The following NHSL1 variants were observed in gnomAD, a reference collection of about 807,000 sequenced individuals.
NHSL1 encodes NHS like 1, also known as NHS-like protein 1.
In NHSL1, 48 loss-of-function variants were observed where a neutral mutation model predicts 95.0. That is an observed-to-expected ratio of 0.51 (90% CI 0.40 to 0.64). The LOEUF is 0.64. Among genes scored for constraint, NHSL1 ranks in the 30% least tolerant of loss-of-function variants. NHSL1 has a pLI of 0.00. For missense variants in NHSL1, 1,971 were observed against 2,077.7 expected, an observed-to-expected ratio of 0.95 and a Z score of 1.00; for synonymous variants, 783 against 833.9, an observed-to-expected ratio of 0.94 and a Z score of 1.05.
chr6:138,446,252 G>T (rs866819390), intron 4 of NHSL1, among the ~76,000 whole-genome samples: 14 of 152,036 alleles, frequency 9.2e-5, no homozygotes, highest in South Asian at 2.1e-4. Flanking sequence ...GGCCAGGCTG[G>T]TCTCAAACTC....
intron 5 of NHSL1, among the ~76,000 whole-genome samples, chr6:138,437,331 T>TATACATATACACACATATATATATACAC (rs1776191517): frequency 1.7e-5 from 1 of 58,034 alleles, no homozygotes; most frequent in Admixed American, 2.0e-4. Flanking sequence ...CACACACACA[T>TATACATATACACACATATATATATACAC]ATATATATAT....
chr6:138,434,778 G>A (rs1317230012), intron 5 of NHSL1, among the ~76,000 whole-genome samples: 2 of 152,108 alleles, frequency 1.3e-5, no homozygotes, highest in Admixed American at 6.5e-5. Flanking sequence ...GGACTGATGG[G>A]GTTTCTAAGG....
upstream of NHSL1, among the ~76,000 whole-genome samples, chr6:138,547,386 CT>C (rs1323167583): frequency 1.3e-4 from 20 of 150,074 alleles, no homozygotes; most frequent in African/African-American, 4.4e-4. Context: ...GCTTCTTCTT[CT>C]TTTTTTTTCC....
At chr6:138,472,846 A>G (rs1583250664) in intron 3 of NHSL1, among the ~76,000 whole-genome samples, 2 of 152,354 alleles carry the variant, frequency 1.3e-5, no homozygotes, top group East Asian at 1.9e-4. Context: ...GTCTCTATTA[A>G]TAACACTGAG....
At chr6:138,626,268 T>C (rs1784736374) in intron 1 of NHSL1, among the ~76,000 whole-genome samples, 1 of 152,220 alleles carries the variant, frequency 6.6e-6, no homozygotes, top group African/African-American at 2.4e-5. Context: ...AAACCTCACT[T>C]AGCTTTTGGA....
intron 1 of NHSL1, among the ~76,000 whole-genome samples, chr6:138,613,359 C>G (rs1180182253): frequency 6.6e-6 from 1 of 152,226 alleles, no homozygotes; most frequent in Non-Finnish European, 1.5e-5. Flanking sequence ...AAGCACACTG[C>G]TCCAGTCAGT....
intron 3 of NHSL1, among the ~76,000 whole-genome samples, chr6:138,457,112 T>C (rs898008686): frequency 6.6e-6 from 1 of 152,096 alleles, no homozygotes; most frequent in Non-Finnish European, 1.5e-5. Context: ...AACTCCTGAC[T>C]TCAAGGGATC....
intron 3 of NHSL1, among the ~76,000 whole-genome samples, chr6:138,461,814 A>G (rs1778015918): frequency 6.6e-6 from 1 of 152,208 alleles, no homozygotes; most frequent in South Asian, 2.1e-4. Context: ...AGATGAAAGA[A>G]AATATAGCAT....
At chr6:138,593,885 T>G (rs1356578911) in intron 1 of NHSL1, among the ~76,000 whole-genome samples, 10 of 152,202 alleles carry the variant, frequency 6.6e-5, no homozygotes, top group African/African-American at 2.4e-4. Flanking sequence ...AGAAATTAAC[T>G]CTAAGAAAAC....
chr6:138,576,840 T>G (rs190306338), upstream of NHSL1, among the ~76,000 whole-genome samples: 1 of 152,248 alleles, frequency 6.6e-6, no homozygotes, highest in East Asian at 1.9e-4. Flanking sequence ...TATACTTAGT[T>G]CTCCACATTT....
chr6:138,504,411 G>C (rs900638752), upstream of NHSL1, among the ~76,000 whole-genome samples: 1 of 152,184 alleles, frequency 6.6e-6, no homozygotes, highest in Non-Finnish European at 1.5e-5. Context: ...TCTAGCGAGA[G>C]AGAGATGATG....
chr6:138,447,020 C>T lies in NHSL1; in HGVS notation c.513G>A (p.Val171=). 2 of 1,551,642 alleles carry T rather than the reference C, an allele frequency of 1.3e-6. No homozygotes were observed. Among genetic ancestry groups the T allele is most frequent in the Non-Finnish European group, 1.7e-6 (2 of 1,146,952 alleles). ...GCGTACCAGTTATGTTAATAGGCAC[C>T]ACGTCAGCCTGGACTGTTTGGGCTT... ...RQQAQTVQAD[V]VPINITGENF... is the part of the protein sequence containing the mutation. Residue 171 remains valine, a synonymous_variant, in exon 4 of 8, where the codon GTG becomes GTA. Coordinates refer to ENST00000343505, the MANE Select transcript of NHSL1 (RefSeq NM_001144060.2).
At chr6:138,464,699 C>CTT (rs146434894) in intron 3 of NHSL1, among the ~76,000 whole-genome samples, 2 of 137,330 alleles carry the variant, frequency 1.5e-5, no homozygotes, top group African/African-American at 2.8e-5. Flanking sequence ...TTTCTCTTCA[C>CTT]TTTTTTTTTT....
chr6:138,587,522 A>G (rs2114511768), intron 1 of NHSL1, among the ~76,000 whole-genome samples: 1 of 151,290 alleles, frequency 6.6e-6, no homozygotes, highest in African/African-American at 2.4e-5. Context: ...AAAAAAAAAA[A>G]AGCCTTCATG....
rs536766156 is a variant in NHSL1 at position 138,433,239 on chromosome 6, T to C, written c.1106A>G (p.His369Arg). 2 of 1,551,406 alleles carry C rather than the reference T, an allele frequency of 1.3e-6. No individual in the cohort carries two copies. Among genetic ancestry groups the C allele is most frequent in the South Asian group, 1.2e-5 (1 of 84,044 alleles). Residue 369 changes from histidine (H) to arginine (R), a missense_variant, in exon 6 of 8, where the codon CAT becomes CGT. Coordinates refer to ENST00000343505, the MANE Select transcript of NHSL1 (RefSeq NM_001144060.2). ...TCCAGTCCCTGAGGCACCTCCTAAA[T>C]GGCCTAAGTTTTCATCTGCTTGTGG... is the stretch of plus-strand genomic sequence containing the variant. The part of the protein sequence containing the change: ...GHPQADENLG[H>R]LGGASGTGTL...
chr6:138,426,914 A>G (rs1342835836), intron 7 of NHSL1, among the ~76,000 whole-genome samples: 2 of 152,236 alleles, frequency 1.3e-5, no homozygotes, highest in Admixed American at 6.5e-5. Flanking sequence ...ACATCCTAAC[A>G]TCTCGAAACT....
At chr6:138,629,671 C>T (rs1489309414) in intron 1 of NHSL1, among the ~76,000 whole-genome samples, 2 of 152,238 alleles carry the variant, frequency 1.3e-5, no homozygotes, top group African/African-American at 4.8e-5. Context: ...GCGTGAGCCA[C>T]CACGCCCGGC....
At chr6:138,472,752 G>A (rs1215448977) in intron 3 of NHSL1, among the ~76,000 whole-genome samples, 2 of 152,172 alleles carry the variant, frequency 1.3e-5, no homozygotes, top group African/African-American at 2.4e-5. Context: ...AGATGGCAGA[G>A]GAAAAGGAAC....
At chr6:138,669,170 T>A (rs920777890) in intron 1 of NHSL1, among the ~76,000 whole-genome samples, 20 of 151,744 alleles carry the variant, frequency 1.3e-4, no homozygotes, top group Admixed American at 1.3e-3. Context: ...AACACACACA[T>A]AGAAAGTGTC....
Sources: allele counts gnomAD v4.1 joint callset (sites outside exome capture counted in the v4.1 genomes callset), GRCh38; gene constraint gnomAD v4.1.1; transcripts MANE v1.5; gene names NCBI Gene and HGNC (gene_info 2026-07-23, HGNC 2026-07-21).